The following CAPZB variants were observed in gnomAD, a reference collection of about 807,000 sequenced individuals.
CAPZB encodes the protein capping actin protein of muscle Z-line subunit beta.
Under a neutral mutation model 38.1 loss-of-function variants are expected in CAPZB, and 2 were observed. The observed-to-expected ratio is 0.05, with a 90% CI of 0.02 to 0.17. The LOEUF is 0.17. CAPZB is among the 10% of genes least tolerant of loss of function. The pLI is 1.00. For missense variants in CAPZB, 161 were observed against 334.2 expected (o/e 0.48, Z 4.04); for synonymous variants, 107 against 127.4 (o/e 0.84, Z 1.08).
chr1:19,358,855 C>T (rs2094036210), intron 4 of CAPZB, among the ~76,000 whole-genome samples: 1 of 152,198 alleles, frequency 6.6e-6, no homozygotes, highest in African/African-American at 2.4e-5. Context: ...CCCTGGACAG[C>T]TGGGAAGGTG....
chr1:19,393,460 AC>A (rs896620866), intron 2 of CAPZB, among the ~76,000 whole-genome samples: 3 of 152,076 alleles, frequency 2.0e-5, no homozygotes, highest in African/African-American at 7.2e-5. Flanking sequence ...GATTGAGGGC[AC>A]CCCCCAACCT....
intron 3 of CAPZB, among the ~76,000 whole-genome samples, chr1:19,380,689 G>A (rs1166633918): frequency 6.6e-6 from 1 of 152,128 alleles, no homozygotes; most frequent in Non-Finnish European, 1.5e-5. Flanking sequence ...CAATGTGACC[G>A]GTATGACCAA....
chr1:19,467,438 C>CA (rs1323444641), intron 1 of CAPZB, among the ~76,000 whole-genome samples: 2 of 152,284 alleles, frequency 1.3e-5, no homozygotes, highest in Non-Finnish European at 2.9e-5. Flanking sequence ...CAGCAGAGGA[C>CA]ACGGATGTGC....
In CAPZB at chr1:19,479,002, C is replaced by A. The variant is rs191250409; in HGVS notation, c.3+6434G>T. 2.6e-5 allele frequency among the ~76,000 whole-genome samples: 4 copies of A among 152,136 alleles called. No individual in the cohort carries two copies. In the South Asian group the frequency reaches 8.3e-4, roughly 32 times the overall value. ...GAGGCAGGCAGATCATGAGGCCAGGCGTTCAAGACCAGCCTGGCCAACATG... is the reference window on the plus strand; with the variant it reads ...GAGGCAGGCAGATCATGAGGCCAGGAGTTCAAGACCAGCCTGGCCAACATG... On this transcript the variant is annotated intron_variant, in intron 1 of 8. Coordinates refer to ENST00000264202, the MANE Select transcript of CAPZB (RefSeq NM_004930.5).
At chr1:19,463,671 C>T (rs917304159) in intron 1 of CAPZB, among the ~76,000 whole-genome samples, 1 of 152,142 alleles carries the variant, frequency 6.6e-6, no homozygotes, top group African/African-American at 2.4e-5. Context: ...GAGGCTGGTA[C>T]ACACTCCAGG....
chr1:19,383,839 G>A (rs1314985183), intron 3 of CAPZB, among the ~76,000 whole-genome samples: 1 of 151,964 alleles, frequency 6.6e-6, no homozygotes, highest in African/African-American at 2.4e-5. Context: ...AGTGGCTCAG[G>A]TCCGAAGCCT....
intron 1 of CAPZB, among the ~76,000 whole-genome samples, chr1:19,483,087 A>G (rs555273570): frequency 6.6e-6 from 1 of 152,250 alleles, no homozygotes; most frequent in Admixed American, 6.5e-5. Context: ...ACAAGACACA[A>G]ATCTCTGCCC....
At chr1:19,359,210 C>CTTTTTTTTTTTTTTTTTTT (rs57251931) in intron 4 of CAPZB, among the ~76,000 whole-genome samples, 1 of 114,412 alleles carries the variant, frequency 8.7e-6, no homozygotes, top group Non-Finnish European at 1.7e-5. Context: ...TCTCTGTACT[C>CTTTTTTTTTTTTTTTTTTT]TTTTTTTTTT....
intron 2 of CAPZB, among the ~76,000 whole-genome samples, chr1:19,407,380 C>T (rs1379019765): frequency 4.6e-5 from 7 of 152,154 alleles, no homozygotes; most frequent in Admixed American, 1.3e-4. Flanking sequence ...AACAGAGGCC[C>T]ATCACTGGGA....
chr1:19,369,631 C>T (rs527727870), intron 4 of CAPZB, among the ~76,000 whole-genome samples: 18 of 152,344 alleles, frequency 1.2e-4, no homozygotes, highest in African/African-American at 3.6e-4. Flanking sequence ...CCTGCTGTCC[C>T]GAGTGCAAGA....
At chr1:19,363,963 CTG>C (rs2094069142) in intron 4 of CAPZB, among the ~76,000 whole-genome samples, 1 of 152,216 alleles carries the variant, frequency 6.6e-6, no homozygotes, top group Non-Finnish European at 1.5e-5. Context: ...GAAACAGACT[CTG>C]TGGTTCTAGG....
intron 1 of CAPZB, chr1:19,484,547 G>A: frequency 2.3e-6 from 3 of 1,294,480 alleles, no homozygotes; most frequent in Non-Finnish European, 2.0e-6. Flanking sequence ...CTGGCTCCTA[G>A]GCGGCCTCCC....
At chr1:19,461,331 C>T (rs1052430054) in intron 1 of CAPZB, among the ~76,000 whole-genome samples, 3 of 152,170 alleles carry the variant, frequency 2.0e-5, no homozygotes, top group Non-Finnish European at 4.4e-5. Flanking sequence ...ATAGGTCACA[C>T]AGAGGGACAA....
chr1:19,354,217 A>G (rs1558179092), intron 6 of CAPZB, among the ~76,000 whole-genome samples: 1 of 152,132 alleles, frequency 6.6e-6, no homozygotes, highest in Admixed American at 6.5e-5. Flanking sequence ...CTTGGTTACA[A>G]TCTAATCCAA....
chr1:19,463,083 T>C (rs920002979), intron 1 of CAPZB, among the ~76,000 whole-genome samples: 8 of 152,230 alleles, frequency 5.3e-5, no homozygotes, highest in Non-Finnish European at 1.2e-4. Context: ...CTAAATCCTA[T>C]TGCAAGGCAG....
At chr1:19,341,565 C>G (rs763979077) in intron 8 of CAPZB, among the ~76,000 whole-genome samples, 1 of 152,198 alleles carries the variant, frequency 6.6e-6, no homozygotes, top group Non-Finnish European at 1.5e-5. Flanking sequence ...CAAGCAACCT[C>G]GAATCAGCGC....
chr1:19,401,068 A>G (rs2094300734), intron 2 of CAPZB, among the ~76,000 whole-genome samples: 1 of 152,164 alleles, frequency 6.6e-6, no homozygotes, highest in African/African-American at 2.4e-5. Context: ...CAGCACGGAC[A>G]CCAGGGGCAT....
At chr1:19,433,133 T>G (rs1190514198) in intron 1 of CAPZB, among the ~76,000 whole-genome samples, 3 of 152,210 alleles carry the variant, frequency 2.0e-5, no homozygotes, top group Non-Finnish European at 4.4e-5. Flanking sequence ...AGCTGCTGCC[T>G]CCACATGATC....
chr1:19,344,444 A>AG lies in CAPZB; in HGVS notation c.655-11dup. The stretch of plus-strand genomic sequence containing the variant: ...TTTTATTTTCCATGTCCTGGAAGGG[A>AG]GGTCGGTCAGCGCAGTGGCAAAAGG... On this transcript the variant is annotated splice_polypyrimidine_tract_variant and intron_variant, in intron 7 of 8. Coordinates refer to ENST00000264202, the MANE Select transcript of CAPZB (RefSeq NM_004930.5). 1.2e-6 allele frequency: 2 copies of AG among 1,612,476 alleles called. No individual in the cohort carries two copies. Among genetic ancestry groups the AG allele is most frequent in the Non-Finnish European group, 1.7e-6 (2 of 1,178,522 alleles).
Sources: allele counts gnomAD v4.1 joint callset (sites outside exome capture counted in the v4.1 genomes callset), GRCh38; gene constraint gnomAD v4.1.1; transcripts MANE v1.5; gene names NCBI Gene and HGNC (gene_info 2026-07-23, HGNC 2026-07-21).